Variants in EYS observed in about 807,000 individuals in gnomAD.
The protein encoded by EYS is protein eyes shut homolog.
Under a neutral mutation model 282.1 loss-of-function variants are expected in EYS, and 250 were observed. The observed-to-expected ratio is 0.89, with a 90% CI of 0.80 to 0.98. The LOEUF (loss-of-function observed/expected upper bound fraction) is 0.98. EYS is among the 50% of genes least tolerant of loss of function. The pLI, the probability that EYS is intolerant of heterozygous loss-of-function variation, is 0.00. For missense variants in EYS, 4,016 were observed against 3,709.0 expected (o/e 1.08, Z -2.15); for synonymous variants, 1,355 against 1,282.9 (o/e 1.06, Z -1.20).
At chr6:64,321,608 G>A (rs1319275769) in intron 29 of EYS, among the ~76,000 whole-genome samples, 1 of 151,852 alleles carries the variant, frequency 6.6e-6, no homozygotes, top group African/African-American at 2.4e-5. Context: ...TGCCTACTAA[G>A]TATTTATTAG....
intron 41 of EYS, among the ~76,000 whole-genome samples, chr6:63,745,997 A>G (rs1769202305): frequency 6.6e-6 from 1 of 152,136 alleles, no homozygotes; most frequent in Admixed American, 6.5e-5. Context: ...CTGGAACCTA[A>G]CCATTCTGGC....
chr6:64,237,288 C>G (rs1766641311), intron 30 of EYS, among the ~76,000 whole-genome samples: 1 of 152,206 alleles, frequency 6.6e-6, no homozygotes, highest in African/African-American at 2.4e-5. Context: ...CCTGGAGTCA[C>G]ACAGGGCAGA....
intron 29 of EYS, among the ~76,000 whole-genome samples, chr6:64,342,634 A>AG (rs1399390951): frequency 1.3e-5 from 2 of 152,222 alleles, no homozygotes; most frequent in Admixed American, 1.3e-4. Context: ...AAGACCATAA[A>AG]GGCTAGGAAG....
chr6:64,826,682 GTATATA>G (rs3065326), intron 19 of EYS, among the ~76,000 whole-genome samples: 13,592 of 144,290 alleles, frequency 0.094, 826 homozygotes, highest in East Asian at 0.33. Context: ...ATGATTTTAT[GTATATA>G]TATATATATA....
intron 2 of EYS, among the ~76,000 whole-genome samples, chr6:65,593,559 GAA>G (rs1765303995): frequency 6.6e-6 from 1 of 151,978 alleles, no homozygotes; most frequent in African/African-American, 2.4e-5. Context: ...TTTAGAGTTT[GAA>G]AAGTTTCAAG....
intron 19 of EYS, among the ~76,000 whole-genome samples, chr6:64,853,640 C>T (rs9345558): frequency 0.15 from 23,231 of 151,876 alleles, 2,011 homozygotes; most frequent in East Asian, 0.43. Flanking sequence ...TTGGTAACGC[C>T]GTTGTTAATA....
chr6:63,987,524 C>T (rs9450493), intron 34 of EYS, among the ~76,000 whole-genome samples: 3,989 of 151,714 alleles, frequency 0.026, 150 homozygotes, highest in African/African-American at 0.083. Context: ...AAAATGCAGA[C>T]CTTCTCTGTA....
intron 35 of EYS, among the ~76,000 whole-genome samples, chr6:63,943,484 T>C (rs192368405): frequency 3.9e-5 from 6 of 152,354 alleles, no homozygotes; most frequent in Admixed American, 3.3e-4. Context: ...TGAAGATATA[T>C]ATTTATGTGT....
At chr6:64,632,719 C>T (rs1767828481) in intron 22 of EYS, among the ~76,000 whole-genome samples, 1 of 58,066 alleles carries the variant, frequency 1.7e-5, no homozygotes, top group Non-Finnish European at 4.1e-5. Context: ...TTCTGGGAAA[C>T]ACAATAGGAG....
At chr6:65,635,680 T>G (rs1273190204) in intron 2 of EYS, among the ~76,000 whole-genome samples, 1 of 152,200 alleles carries the variant, frequency 6.6e-6, no homozygotes, top group Non-Finnish European at 1.5e-5. Flanking sequence ...GTAAATCTAA[T>G]GAAACATTAT....
At chr6:64,772,917 A>T (rs143177325) in intron 22 of EYS, among the ~76,000 whole-genome samples, 33 of 151,940 alleles carry the variant, frequency 2.2e-4, no homozygotes, top group African/African-American at 7.9e-4. Context: ...CTACATGGAT[A>T]TGGCATAGTT....
rs556012738 is a variant in EYS, at chr6:64,181,155, T to C, written c.6424+49437A>G. Among the ~76,000 whole-genome samples, 144 of 152,264 alleles carry C rather than the reference T, an allele frequency of 9.5e-4. 1 individual carries two copies. Among genetic ancestry groups the C allele is most frequent in the Non-Finnish European group, 1.4e-3 (97 of 68,000 alleles). Reference sequence around the variant, plus strand: ...GAAAAAAGAAAACACTGACAAAATATAGAGTAATGCCTTATAACATGGTAA... The same window carrying C: ...GAAAAAAGAAAACACTGACAAAATACAGAGTAATGCCTTATAACATGGTAA... On this transcript the variant is annotated intron_variant, in intron 31 of 42. Transcript: ENST00000503581.
intron 19 of EYS, among the ~76,000 whole-genome samples, chr6:64,879,593 TG>T (rs889199114): frequency 2.0e-5 from 3 of 152,056 alleles, no homozygotes; most frequent in African/African-American, 7.2e-5. Context: ...TAGACAGTTT[TG>T]GGGAACTGAA....
chr6:64,817,541 G>A (rs1300033941), intron 21 of EYS, among the ~76,000 whole-genome samples: 1 of 152,072 alleles, frequency 6.6e-6, no homozygotes, highest in Non-Finnish European at 1.5e-5. Flanking sequence ...TGTTACACGG[G>A]TGTATTGCAC....
At chr6:65,190,480 T>C (rs1456919292) in intron 12 of EYS, among the ~76,000 whole-genome samples, 3 of 151,494 alleles carry the variant, frequency 2.0e-5, no homozygotes, top group African/African-American at 7.3e-5. Context: ...TCATGACCCC[T>C]AAGTGCCGTA....
intron 26 of EYS, among the ~76,000 whole-genome samples, chr6:64,572,597 G>A (rs1765761290): frequency 6.6e-6 from 1 of 152,116 alleles, no homozygotes; most frequent in African/African-American, 2.4e-5. Context: ...CAAAATCAAT[G>A]TGCAAAAATC....
At chr6:64,091,903 TC>T (rs1295071923) in intron 31 of EYS, among the ~76,000 whole-genome samples, 9 of 152,068 alleles carry the variant, frequency 5.9e-5, no homozygotes, top group African/African-American at 1.9e-4. Flanking sequence ...CTCCCCACTC[TC>T]CCCACCCCAC....
intron 36 of EYS, among the ~76,000 whole-genome samples, chr6:63,841,562 A>G (rs996172904): frequency 2.0e-4 from 30 of 152,196 alleles, no homozygotes; most frequent in Admixed American, 7.2e-4. Flanking sequence ...GCTAACTCTT[A>G]CTATTTTGTA....
chr6:65,706,913 G>A (rs980653467), intron 1 of EYS, among the ~76,000 whole-genome samples: 2 of 152,056 alleles, frequency 1.3e-5, no homozygotes, highest in Non-Finnish European at 2.9e-5. Context: ...TATATCCAAG[G>A]AATATAAAGC....
Sources: allele counts gnomAD v4.1 joint callset (sites outside exome capture counted in the v4.1 genomes callset), GRCh38; gene constraint gnomAD v4.1.1; transcripts MANE v1.5; gene names NCBI Gene and HGNC (gene_info 2026-07-23, HGNC 2026-07-21).